Variants in HERC6 observed in about 807,000 individuals in gnomAD.
HERC6 encodes the protein HECT and RLD domain containing E3 ubiquitin protein ligase family member 6.
A neutral mutation model predicts 114.5 loss-of-function variants in HERC6; 101 were observed. The observed-to-expected ratio is 0.88, with a 90% CI of 0.75 to 1.04. HERC6 has a LOEUF of 1.04. HERC6 is among the 50% of genes least tolerant of loss of function. The probability of loss-of-function intolerance (pLI) is 0.00; values close to 1 mark genes in which losing one functional copy is unlikely to be tolerated. For synonymous variants in HERC6, 408 were observed against 436.2 expected (o/e 0.94, Z 0.81); for missense variants, 1,133 against 1,230.9 (o/e 0.92, Z 1.19).
At chr4:88,423,735 A>G (rs965502159) in intron 13 of HERC6, 125 bp from the exon 14 acceptor site, 28 of 430,728 alleles carry the variant, frequency 6.5e-5, no homozygotes, top group African/African-American at 5.3e-4. Context: ...TCACTGACAA[A>G]TGTTTTCAGT....
intron 12 of HERC6, among the ~76,000 whole-genome samples, chr4:88,417,052 C>T (rs896855764): frequency 1.1e-4 from 17 of 152,026 alleles, no homozygotes; most frequent in African/African-American, 2.7e-4. Context: ...AGATTAAAAA[C>T]GTCCTTGATG....
At chr4:88,415,068 G>T (rs533032456) in intron 12 of HERC6, among the ~76,000 whole-genome samples, 1 of 152,172 alleles carries the variant, frequency 6.6e-6, no homozygotes, top group South Asian at 2.1e-4. Flanking sequence ...ACAATGAAAT[G>T]TAAGCCACCC....
In HERC6 at chr4:88,436,168, A is replaced by G. The variant is rs944206615; in HGVS notation, c.2417+277A>G. Among the ~76,000 whole-genome samples the G allele has an allele frequency of 1.1e-4, 17 of 152,304 alleles. 1 individual carries two copies. The highest frequency in any genetic ancestry group is 3.8e-4 in the African/African-American group (16 of 41,574). ...GGAAACAGTTGCTTCAGAGAGCACA[A>G]TATATATGTGCATCATCACACATAT... is the stretch of plus-strand genomic sequence containing the variant. On this transcript the variant is annotated intron_variant, in intron 18 of 22. Coordinates refer to ENST00000264346, the MANE Select transcript of HERC6 (RefSeq NM_017912.4).
At position 88,423,897 on chromosome 4, in the gene HERC6, T is replaced by C. The variant is rs191474052; in HGVS notation, c.1751T>C (p.Phe584Ser). 8.0e-4 allele frequency: 1,253 copies of C among 1,571,246 alleles called. 6 individuals carry two copies. In the African/African-American group the frequency reaches 0.015, roughly 19 times the overall value. Reference sequence around the variant, plus strand: ...AACTGTCGACTACCAGAAAATACTTTCAACATAAATGAACTCTCCAACTTA... The same window carrying C: ...AACTGTCGACTACCAGAAAATACTTCCAACATAAATGAACTCTCCAACTTA... ...KANCRLPENT[F>S]NINELSNLLN... Residue 584 changes from phenylalanine to serine, a missense_variant, in exon 14 of 23, where the codon TTC becomes TCC. Transcript: ENST00000264346.
intron 3 of HERC6, among the ~76,000 whole-genome samples, chr4:88,389,360 T>C (rs1352514185): frequency 6.6e-6 from 1 of 152,174 alleles, no homozygotes; most frequent in East Asian, 1.9e-4. Context: ...TCACTCTGGC[T>C]ATTCTTTGGA....
intron 13 of HERC6, among the ~76,000 whole-genome samples, chr4:88,419,816 A>AT (rs1736848663): frequency 6.6e-6 from 1 of 152,190 alleles, no homozygotes; most frequent in Admixed American, 6.6e-5. Context: ...CGGTTCTGGA[A>AT]TGGTCTCTAG....
intron 19 of HERC6, among the ~76,000 whole-genome samples, chr4:88,437,268 G>T (rs902413355): frequency 6.6e-6 from 1 of 151,930 alleles, no homozygotes; most frequent in Non-Finnish European, 1.5e-5. Flanking sequence ...TCTTGGCCAG[G>T]CTGGTCTCTA....
intron 9 of HERC6, among the ~76,000 whole-genome samples, chr4:88,405,343 G>A (rs1234223262): frequency 1.3e-5 from 2 of 152,168 alleles, no homozygotes; most frequent in East Asian, 1.9e-4. Context: ...TTAAACCTAC[G>A]TGACTTGAAC....
In HERC6 at chr4:88,442,262, T is replaced by C. The variant is rs61744364; in HGVS notation, c.2871T>C (p.His957=). Reference sequence around the variant, plus strand: ...TCCTTACAGGACGTGATAGGCTGCATGCAAGAGGCATACAGAAAATGGAAA... The same window carrying C: ...TCCTTACAGGACGTGATAGGCTGCACGCAAGAGGCATACAGAAAATGGAAA... ...LFFLTGRDRL[H]ARGIQKMEIV... is the part of the protein sequence containing the mutation. The change falls in exon 23 of 23, where the codon CAT becomes CAC. Residue 957 remains histidine (H), a synonymous_variant. Coordinates refer to ENST00000264346, the MANE Select transcript of HERC6 (RefSeq NM_017912.4). 1.3e-3 allele frequency: 2,166 copies of C among 1,612,810 alleles called. 27 individuals carry two copies. In the African/African-American group the frequency reaches 0.025, roughly 19 times the overall value.
intron 2 of HERC6, among the ~76,000 whole-genome samples, chr4:88,384,513 G>T (rs1052373167): frequency 2.0e-5 from 3 of 152,154 alleles, no homozygotes; most frequent in African/African-American, 7.2e-5. Flanking sequence ...ATGTGTTTAT[G>T]AATTACATAC....
At chr4:88,387,892 G>T (rs1734668153) in intron 3 of HERC6, among the ~76,000 whole-genome samples, 1 of 152,186 alleles carries the variant, frequency 6.6e-6, no homozygotes, top group Non-Finnish European at 1.5e-5. Context: ...CCTTTGCATT[G>T]GTCTGGACTG....
intron 2 of HERC6, among the ~76,000 whole-genome samples, chr4:88,384,056 A>G (rs1484563814): frequency 1.3e-5 from 2 of 152,134 alleles, no homozygotes; most frequent in East Asian, 3.9e-4. Context: ...CCTTTATCAT[A>G]CTAAAACAGA....
At chr4:88,384,817 C>T (rs1578367722) in intron 2 of HERC6, among the ~76,000 whole-genome samples, 1 of 151,988 alleles carries the variant, frequency 6.6e-6, no homozygotes, top group African/African-American at 2.4e-5. Flanking sequence ...ATCAGGATTT[C>T]GAGACCAGCC....
intron 11 of HERC6, among the ~76,000 whole-genome samples, chr4:88,410,834 G>T (rs1736057745): frequency 6.6e-6 from 1 of 152,158 alleles, no homozygotes; most frequent in African/African-American, 2.4e-5. Flanking sequence ...ATTTTATGGA[G>T]ACAAATGGAA....
chr4:88,428,218 G>A (rs1737824049), intron 15 of HERC6, among the ~76,000 whole-genome samples: 2 of 152,160 alleles, frequency 1.3e-5, no homozygotes, highest in Admixed American at 1.3e-4. Context: ...CTAATGCTCT[G>A]TGTCTTAAGA....
At chr4:88,395,726 A>G (rs140782035) in intron 5 of HERC6, among the ~76,000 whole-genome samples, 16 of 151,830 alleles carry the variant, frequency 1.1e-4, no homozygotes, top group African/African-American at 3.4e-4. Flanking sequence ...GTCTTGCTAT[A>G]TTGGCCAGGC....
rs144771178 is a variant in HERC6, at chr4:88,400,393, C to T, written c.1092+2184C>T. 5.5e-3 allele frequency among the ~76,000 whole-genome samples: 842 copies of T among 152,156 alleles called. 4 individuals are homozygous for T. Among genetic ancestry groups the T allele is most frequent in the Non-Finnish European group, 9.1e-3 (619 of 68,002 alleles). Reference sequence around the variant, plus strand: ...GTTTTTTTTTGTAGAGACGGCGTTTCGCCATGTTGCTCAGGCTGGTCTTGA... The same window carrying T: ...GTTTTTTTTTGTAGAGACGGCGTTTTGCCATGTTGCTCAGGCTGGTCTTGA... On this transcript the variant is annotated intron_variant, in intron 8 of 22. Coordinates refer to ENST00000264346, the MANE Select transcript of HERC6 (RefSeq NM_017912.4).
At chr4:88,393,631 C>T (rs367824491) in intron 5 of HERC6, 49 bp downstream of exon 5, 175 of 1,134,144 alleles carry the variant, frequency 1.5e-4, no homozygotes, top group Non-Finnish European at 2.1e-4. Flanking sequence ...GAAATGGTAA[C>T]AAGATACATA....
chr4:88,396,162 T>A lies in HERC6; in HGVS notation c.887+20T>A. The A allele has an allele frequency of 6.5e-7, 1 of 1,542,812 alleles. No individual in the cohort carries two copies. The highest frequency in any genetic ancestry group is 1.3e-5 in the South Asian group (1 of 79,228). On this transcript the variant is annotated intron_variant, in intron 6 of 22. Transcript: ENST00000264346. ...TGGAAGGTAATAGGCTTCTTCTTCT[T>A]CTTTTTCTTAGCATGTGTAGAAAGT...
Sources: gnomAD v4.1 joint callset for allele counts (sites outside exome capture counted in the v4.1 genomes callset) on GRCh38, gnomAD v4.1.1 for gene constraint, MANE v1.5 for transcripts, NCBI Gene and HGNC (gene_info 2026-07-23, HGNC 2026-07-21) for gene names.